The following PITPNC1 variants were observed in gnomAD, a reference collection of about 807,000 sequenced individuals.
PITPNC1 encodes cytoplasmic phosphatidylinositol transfer protein 1.
A neutral mutation model predicts 44.7 loss-of-function variants in PITPNC1; 18 were observed. The ratio of observed to expected loss-of-function variants is 0.40; its 90% CI spans 0.28 to 0.60. PITPNC1 has a LOEUF of 0.60. Among genes scored for constraint, PITPNC1 ranks in the 20% least tolerant of loss-of-function variants. PITPNC1 has a pLI of 0.39. For synonymous variants in PITPNC1, 141 were observed against 149.6 expected (o/e 0.94, Z 0.42); for missense variants, 290 against 418.4 (o/e 0.69, Z 2.68).
intron 5 of PITPNC1, among the ~76,000 whole-genome samples, chr17:67,583,865 T>TGTGTGTGTG (rs1568051977): frequency 4.2e-5 from 5 of 118,346 alleles, no homozygotes; most frequent in East Asian, 2.4e-4. Flanking sequence ...CTGGCTAATT[T>TGTGTGTGTG]TGTGTGTGTG....
At chr17:67,617,624 G>C (rs2041776910) in intron 5 of PITPNC1, among the ~76,000 whole-genome samples, 1 of 152,188 alleles carries the variant, frequency 6.6e-6, no homozygotes, top group Non-Finnish European at 1.5e-5. Context: ...AGTTCTGGAG[G>C]CCAGAAGTCC....
At chr17:67,605,954 C>A (rs2041602362) in intron 5 of PITPNC1, among the ~76,000 whole-genome samples, 2 of 152,192 alleles carry the variant, frequency 1.3e-5, no homozygotes, top group Non-Finnish European at 2.9e-5. Flanking sequence ...GTTTTTAATA[C>A]ACTGCCCAAG....
At chr17:67,428,704 A>G (rs1451215541) in intron 1 of PITPNC1, among the ~76,000 whole-genome samples, 2 of 152,176 alleles carry the variant, frequency 1.3e-5, no homozygotes, top group African/African-American at 4.8e-5. Context: ...AAACAGTACA[A>G]AGGTTTTCAA....
At chr17:67,530,758 C>T (rs2040450564) in intron 1 of PITPNC1, among the ~76,000 whole-genome samples, 1 of 152,166 alleles carries the variant, frequency 6.6e-6, no homozygotes, top group African/African-American at 2.4e-5. Context: ...TCTCCACCCC[C>T]TGGGTAGTGT....
chr17:67,563,831 A>G (rs2040937255), intron 4 of PITPNC1, among the ~76,000 whole-genome samples: 1 of 152,192 alleles, frequency 6.6e-6, no homozygotes, highest in Admixed American at 6.5e-5. Context: ...ATATTAGTCA[A>G]GGTTCTCCAG....
chr17:67,414,765 T>G (rs1401357452), intron 1 of PITPNC1, among the ~76,000 whole-genome samples: 1 of 152,208 alleles, frequency 6.6e-6, no homozygotes, highest in Non-Finnish European at 1.5e-5. Flanking sequence ...CAATGCCATG[T>G]CAATAGAGAA....
intron 6 of PITPNC1, among the ~76,000 whole-genome samples, chr17:67,636,064 C>T (rs973423414): frequency 3.3e-5 from 5 of 151,994 alleles, no homozygotes; most frequent in Non-Finnish European, 4.4e-5. Flanking sequence ...TTTGGGAGGC[C>T]GAGGCAGGTG....
intron 1 of PITPNC1, among the ~76,000 whole-genome samples, chr17:67,491,687 A>G (rs2039866646): frequency 6.6e-6 from 1 of 152,134 alleles, no homozygotes; most frequent in Non-Finnish European, 1.5e-5. Context: ...AAAAGATAAA[A>G]TTACCTGGGC....
chr17:67,576,377 C>T (rs1395089395), intron 4 of PITPNC1, among the ~76,000 whole-genome samples: 1 of 152,142 alleles, frequency 6.6e-6, no homozygotes, highest in East Asian at 1.9e-4. Context: ...GTACCTCCTT[C>T]ACGGGATTGT....
chr17:67,396,882 T>C (rs1239246201), intron 1 of PITPNC1, among the ~76,000 whole-genome samples: 1 of 152,262 alleles, frequency 6.6e-6, no homozygotes, highest in African/African-American at 2.4e-5. Flanking sequence ...TTTCAACTCC[T>C]GGGCTCAAGG....
At chr17:67,417,068 C>T (rs1446372235) in intron 1 of PITPNC1, among the ~76,000 whole-genome samples, 1 of 152,164 alleles carries the variant, frequency 6.6e-6, no homozygotes, top group Non-Finnish European at 1.5e-5. Context: ...ACCGCCTCAG[C>T]CTCCCAAAGT....
intron 1 of PITPNC1, among the ~76,000 whole-genome samples, chr17:67,398,811 A>G (rs1160358324): frequency 1.3e-5 from 2 of 152,062 alleles, no homozygotes; most frequent in Non-Finnish European, 2.9e-5. Context: ...TCCGATCGAG[A>G]AATGGTTCAT....
intron 5 of PITPNC1, among the ~76,000 whole-genome samples, chr17:67,616,051 C>G (rs1208845509): frequency 1.3e-5 from 2 of 152,138 alleles, no homozygotes; most frequent in Non-Finnish European, 1.5e-5. Flanking sequence ...GCCCTTACAG[C>G]CTCTTTAGTA....
In PITPNC1 at chr17:67,605,556, A is replaced by G. The variant is rs527888431; in HGVS notation, c.367-26587A>G. 1.6e-4 allele frequency among the ~76,000 whole-genome samples: 24 copies of G among 152,348 alleles called. No homozygotes were observed. In the South Asian group the frequency reaches 5.0e-3, roughly 32 times the overall value. On this transcript the variant is annotated intron_variant, in intron 5 of 8. Transcript: ENST00000581322. ...GAAGATTTTAGCTGGGGGAAATTGC[A>G]TTAGTGGCTCGTGTTTTTCTGTCAA...
At chr17:67,661,648 A>G (rs968915404) in intron 6 of PITPNC1, among the ~76,000 whole-genome samples, 3 of 152,210 alleles carry the variant, frequency 2.0e-5, no homozygotes, top group African/African-American at 7.2e-5. Flanking sequence ...AAGGCAGTGC[A>G]GTACCTGGTT....
At chr17:67,460,740 CTTT>C (rs138545288) in intron 1 of PITPNC1, among the ~76,000 whole-genome samples, 4,900 of 120,906 alleles carry the variant, frequency 0.041, 207 homozygotes, top group African/African-American at 0.15. Flanking sequence ...TTCTTTCTTT[CTTT>C]TTTTTTTTTT....
At chr17:67,637,882 A>G (rs2537830) in intron 6 of PITPNC1, 98,629 of 134,800 alleles carry the variant, frequency 0.73, 36,779 homozygotes, top group African/African-American at 0.85. Flanking sequence ...GGGGTGGGGG[A>G]GGAATTAGTG....
intron 2 of PITPNC1, among the ~76,000 whole-genome samples, chr17:67,550,781 G>C (rs1232161797): frequency 6.6e-6 from 1 of 152,204 alleles, no homozygotes; most frequent in Non-Finnish European, 1.5e-5. Context: ...GAAATCATGG[G>C]CCGGGCGCAG....
intron 6 of PITPNC1, among the ~76,000 whole-genome samples, chr17:67,667,467 C>T (rs570018653): frequency 1.4e-4 from 18 of 126,696 alleles, no homozygotes; most frequent in Admixed American, 2.9e-4. Context: ...AGGTCAAGGC[C>T]GCAGTGAGCC....
Sources: gnomAD v4.1 joint callset for allele counts (sites outside exome capture counted in the v4.1 genomes callset) on GRCh38, gnomAD v4.1.1 for gene constraint, MANE v1.5 for transcripts, NCBI Gene and HGNC (gene_info 2026-07-23, HGNC 2026-07-21) for gene names.